Variants in SOX5 observed in about 807,000 individuals in gnomAD.
The protein encoded by SOX5 is transcription factor SOX-5.
SOX5 carries 9 observed loss-of-function variants against 92.0 expected under a neutral mutation model. The observed-to-expected ratio is 0.10, with a 90% CI of 0.06 to 0.17. The LOEUF (loss-of-function observed/expected upper bound fraction) is 0.17, where lower values mean the gene tolerates loss of function less well. Ranked by LOEUF, SOX5 falls within the 10% of genes least tolerant of loss-of-function variation. The probability of loss-of-function intolerance (pLI) is 1.00; values close to 1 mark genes in which losing one functional copy is unlikely to be tolerated. For missense variants in SOX5, 642 were observed against 944.5 expected (o/e 0.68, Z 4.20); for synonymous variants, 344 against 336.3 (o/e 1.02, Z -0.25).
At chr12:23,900,883 C>T (rs906674219) in intron 1 of SOX5, among the ~76,000 whole-genome samples, 51 of 152,070 alleles carry the variant, frequency 3.4e-4, no homozygotes, top group African/African-American at 1.2e-3. Flanking sequence ...TCACTTGAAC[C>T]TGGGAAGCGG....
At chr12:24,238,625 G>A (rs1964984468) in intron 3 of SOX5, among the ~76,000 whole-genome samples, 1 of 152,172 alleles carries the variant, frequency 6.6e-6, no homozygotes, top group Non-Finnish European at 1.5e-5. Context: ...CCAAAGTGCT[G>A]GGATTACAGG....
chr12:23,584,643 G>C, intron 9 of SOX5: 1 of 1,490,974 alleles, frequency 6.7e-7, no homozygotes, highest in Non-Finnish European at 9.3e-7. Flanking sequence ...ACAGTTAACT[G>C]ATATAAACCA....
Position 23,899,258 on chromosome 12 carries a change from G to T in SOX5, c.39-3234C>A, listed in dbSNP as rs186015211. ...CTCTACTAAAAATACAAAATTAGCT[G>T]GGCATGGTGGTGCATGCCTGTAATC... On this transcript the variant is annotated intron_variant, in intron 1 of 14. Transcript: ENST00000451604. Among the ~76,000 whole-genome samples the T allele has an allele frequency of 1.9e-3, 291 of 152,002 alleles. 1 individual carries two copies. Among genetic ancestry groups the T allele is most frequent in the African/African-American group, 6.7e-3 (277 of 41,492 alleles).
At chr12:23,778,581 A>G (rs2095180366) in intron 3 of SOX5, among the ~76,000 whole-genome samples, 1 of 152,232 alleles carries the variant, frequency 6.6e-6, no homozygotes, top group Admixed American at 6.5e-5. Flanking sequence ...AGGATCTTGA[A>G]TAGCATAATA....
At chr12:23,757,020 G>GA (rs913279060) in intron 3 of SOX5, among the ~76,000 whole-genome samples, 11 of 149,696 alleles carry the variant, frequency 7.3e-5, no homozygotes, top group Admixed American at 4.7e-4. Context: ...ATTTTCCTTG[G>GA]AAAAAAAAAG....
chr12:23,534,669 A>G, intron 14 of SOX5, 147 bp from the exon 15 acceptor site: 5 of 596,732 alleles, frequency 8.4e-6, no homozygotes, highest in Middle Eastern at 4.0e-4. Context: ...ACTCCATCCT[A>G]CTTGAACTTT....
intron 4 of SOX5, among the ~76,000 whole-genome samples, chr12:23,973,471 T>C (rs1263145674): frequency 6.6e-6 from 1 of 152,192 alleles, no homozygotes; most frequent in Admixed American, 6.5e-5. Context: ...AATTTCCATC[T>C]TTTTAAAGGC....
intron 4 of SOX5, among the ~76,000 whole-genome samples, chr12:24,028,327 A>T (rs372516199): frequency 6.6e-6 from 1 of 152,088 alleles, no homozygotes; most frequent in African/African-American, 2.4e-5. Flanking sequence ...ATGCCTTCTC[A>T]ATATTGTTGG....
At chr12:24,068,747 T>TATACAC (rs1405470591) in intron 4 of SOX5, among the ~76,000 whole-genome samples, 3 of 71,598 alleles carry the variant, frequency 4.2e-5, no homozygotes, top group East Asian at 4.0e-4. Context: ...TATATATATA[T>TATACAC]ACACACACAC....
chr12:24,143,879 G>A lies in SOX5; in HGVS notation c.-2+69464C>T, dbSNP rs574858837. ...AGAAGAAGGAGGAGAAGGAGGAGGA[G>A]GAGGAAAGGAGGAGGAGGAGGAGGA... On this transcript the variant is annotated intron_variant, in intron 4 of 4. Coordinates refer to the SOX5 transcript ENST00000446891. Among the ~76,000 whole-genome samples the A allele has an allele frequency of 3.8e-4, 57 of 150,584 alleles. No homozygotes were observed. The East Asian group carries it at 0.01, about 27-fold the overall frequency.
intron 2 of SOX5, among the ~76,000 whole-genome samples, chr12:24,304,188 TAA>T (rs1208274960): frequency 6.6e-6 from 1 of 152,084 alleles, no homozygotes; most frequent in Non-Finnish European, 1.5e-5. Flanking sequence ...GATTTTAGAG[TAA>T]AGAGAATTCC....
chr12:24,296,202 C>T (rs1037736085), intron 2 of SOX5, among the ~76,000 whole-genome samples: 5 of 152,196 alleles, frequency 3.3e-5, no homozygotes, highest in Non-Finnish European at 7.3e-5. Context: ...TCTTTATACG[C>T]TGGTTTTATT....
rs539111832 is a variant in SOX5, at chr12:23,543,944, GA to G, written c.1598-561del. 1.2e-4 allele frequency among the ~76,000 whole-genome samples: 18 copies of G among 152,260 alleles called. 1 individual carries two copies. The highest frequency in any genetic ancestry group is 3.6e-4 in the African/African-American group (15 of 41,558). On this transcript the variant is annotated intron_variant, in intron 12 of 14. Transcript: ENST00000451604. ...CCTGTAATATAATTGGCTTTTCTTT[GA>G]AATTATATGCTGACAAATGCATGAC...
intron 3 of SOX5, among the ~76,000 whole-genome samples, chr12:24,226,406 C>T (rs981589514): frequency 6.6e-6 from 1 of 152,118 alleles, no homozygotes; most frequent in South Asian, 2.1e-4. Flanking sequence ...AAAATTTCCA[C>T]CTAAGAATCT....
At chr12:24,486,401 G>A (rs118063699) in intron 1 of SOX5, among the ~76,000 whole-genome samples, 2,649 of 152,248 alleles carry the variant, frequency 0.017, 27 homozygotes, top group Middle Eastern at 0.034. Context: ...CACTCTTTCT[G>A]ATTAAAGCCA....
At chr12:24,201,807 C>A (rs372143254) in intron 4 of SOX5, among the ~76,000 whole-genome samples, 3 of 152,146 alleles carry the variant, frequency 2.0e-5, no homozygotes, top group African/African-American at 7.2e-5. Context: ...ATGGCTGCAC[C>A]GATACTGTGC....
chr12:24,033,101 C>T (rs1296830948), intron 4 of SOX5, among the ~76,000 whole-genome samples: 1 of 151,804 alleles, frequency 6.6e-6, no homozygotes, highest in Non-Finnish European at 1.5e-5. Flanking sequence ...GTTGAAATAC[C>T]ATGAGGTCAT....
intron 2 of SOX5, among the ~76,000 whole-genome samples, chr12:24,343,613 C>T (rs1952833447): frequency 6.6e-6 from 1 of 152,022 alleles, no homozygotes; most frequent in South Asian, 2.1e-4. Context: ...CACTCAGCTT[C>T]AAAATTTGGT....
Position 23,803,301 on chromosome 12 carries a change from C to A in SOX5, c.481+42682G>T, listed in dbSNP as rs148759533. On this transcript the variant is annotated intron_variant, in intron 3 of 14. Transcript: ENST00000451604. ...AAAGAGGACTCATTATCTGTCCCAACAAGAAATCAGCTCCTACTCTTTGCT... is the reference window on the plus strand; with the variant it reads ...AAAGAGGACTCATTATCTGTCCCAAAAAGAAATCAGCTCCTACTCTTTGCT... 6.4e-3 allele frequency among the ~76,000 whole-genome samples: 976 copies of A among 152,290 alleles called. 12 individuals are homozygous for A. The highest frequency in any genetic ancestry group is 0.022 in the African/African-American group (913 of 41,564).
Sources: allele counts gnomAD v4.1 joint callset (sites outside exome capture counted in the v4.1 genomes callset), GRCh38; gene constraint gnomAD v4.1.1; transcripts MANE v1.5; gene names NCBI Gene and HGNC (gene_info 2026-07-23, HGNC 2026-07-21).